CALN1: variants seen among roughly 807,000 people sequenced by gnomAD.
CALN1 encodes calcium-binding protein 8.
Under a neutral mutation model 30.6 loss-of-function variants are expected in CALN1, and 17 were observed. The observed-to-expected ratio is 0.56, with a 90% confidence interval of 0.38 to 0.83. The LOEUF (loss-of-function observed/expected upper bound fraction) is 0.83, where lower values mean the gene tolerates loss of function less well. CALN1 is among the 40% of genes least tolerant of loss of function. CALN1 has a pLI of 0.00. For synonymous variants in CALN1, 156 were observed against 131.4 expected (o/e 1.19, Z -1.28); for missense variants, 291 against 354.9 (o/e 0.82, Z 1.45).
At chr7:72,328,008 T>C (rs1171591135) in intron 2 of CALN1, among the ~76,000 whole-genome samples, 1 of 152,130 alleles carries the variant, frequency 6.6e-6, no homozygotes, top group Non-Finnish European at 1.5e-5. Flanking sequence ...TAGAAAAAAA[T>C]CTAACAATAT....
At chr7:71,889,042 A>G (rs1290174196) in intron 5 of CALN1, among the ~76,000 whole-genome samples, 1 of 152,230 alleles carries the variant, frequency 6.6e-6, no homozygotes, top group East Asian at 1.9e-4. Flanking sequence ...CAGAAAATGT[A>G]CAGGCTGGGG....
At chr7:71,897,798 C>T (rs1418009904) in intron 5 of CALN1, among the ~76,000 whole-genome samples, 3 of 150,558 alleles carry the variant, frequency 2.0e-5, no homozygotes, top group East Asian at 3.9e-4. Context: ...ACATTATGAA[C>T]CCAAACCAGC....
intron 5 of CALN1, among the ~76,000 whole-genome samples, chr7:71,957,537 T>G (rs1240506604): frequency 6.6e-6 from 1 of 152,224 alleles, no homozygotes; most frequent in Non-Finnish European, 1.5e-5. Flanking sequence ...TCGCCTGTAC[T>G]GATCACTGCA....
At chr7:72,315,775 T>C (rs1036621147) in intron 2 of CALN1, among the ~76,000 whole-genome samples, 7 of 152,126 alleles carry the variant, frequency 4.6e-5, no homozygotes, top group Non-Finnish European at 1.0e-4. Flanking sequence ...AAATAAAGCC[T>C]CTTTTCATTG....
chr7:71,888,998 G>C (rs941145995), intron 5 of CALN1, among the ~76,000 whole-genome samples: 3 of 152,248 alleles, frequency 2.0e-5, no homozygotes, highest in African/African-American at 7.2e-5. Flanking sequence ...GATCAGGAAA[G>C]GTAGGAACAA....
chr7:71,921,828 C>A (rs1794960997), intron 5 of CALN1, among the ~76,000 whole-genome samples: 2 of 151,546 alleles, frequency 1.3e-5, no homozygotes, highest in South Asian at 2.1e-4. Flanking sequence ...CTGCACCATC[C>A]CCCCCGCCGC....
chr7:72,125,005 A>G (rs1302573505), intron 3 of CALN1, among the ~76,000 whole-genome samples: 3 of 152,076 alleles, frequency 2.0e-5, no homozygotes, highest in Admixed American at 6.6e-5. Flanking sequence ...GAATATCACC[A>G]TAATATACCA....
At chr7:72,228,180 C>G (rs560357077) in intron 3 of CALN1, among the ~76,000 whole-genome samples, 1 of 151,998 alleles carries the variant, frequency 6.6e-6, no homozygotes, top group African/African-American at 2.4e-5. Flanking sequence ...GCCTGTGATC[C>G]CAATGTGTTT....
chr7:72,429,747 ATATATACACATCTGTATATATATATG>A (rs1807912218), intron 1 of CALN1, among the ~76,000 whole-genome samples: 1 of 133,416 alleles, frequency 7.5e-6, no homozygotes, highest in Non-Finnish European at 1.6e-5. Context: ...GTGTATATAT[ATATATACACATCTGTATATATATATG>A]TATATACATC....
At chr7:72,131,065 T>C (rs2129542808) in intron 3 of CALN1, among the ~76,000 whole-genome samples, 1 of 152,220 alleles carries the variant, frequency 6.6e-6, no homozygotes, top group East Asian at 1.9e-4. Context: ...AAGGATGGCG[T>C]AGGTAAGGAC....
chr7:72,501,845 G>A, the CALN1 span, among the ~76,000 whole-genome samples: 1 of 143,118 alleles, frequency 7.0e-6, no homozygotes, highest in African/African-American at 2.6e-5. Flanking sequence ...GGAGGTGGAA[G>A]TTGCAGTGAG....
chr7:72,347,416 G>A (rs894029026), intron 2 of CALN1, among the ~76,000 whole-genome samples: 115 of 151,962 alleles, frequency 7.6e-4, no homozygotes, highest in African/African-American at 2.4e-3. Flanking sequence ...ACAGGCATGT[G>A]CCATCATGCC....
At chr7:72,406,991 G>C (rs1395060662) in intron 1 of CALN1, among the ~76,000 whole-genome samples, 1 of 152,072 alleles carries the variant, frequency 6.6e-6, no homozygotes, top group Non-Finnish European at 1.5e-5. Context: ...ACACTGCCCA[G>C]TCACTCTTTC....
At chr7:71,924,643 TTTTTA>T (rs1295770125) in intron 5 of CALN1, among the ~76,000 whole-genome samples, 2 of 152,158 alleles carry the variant, frequency 1.3e-5, no homozygotes, top group African/African-American at 4.8e-5. Flanking sequence ...CTGTATTTTT[TTTTTA>T]CTCTATCTGC....
chr7:71,799,101 G>C (rs1359045129), intron 6 of CALN1, among the ~76,000 whole-genome samples: 2 of 152,194 alleles, frequency 1.3e-5, no homozygotes, highest in African/African-American at 4.8e-5. Flanking sequence ...ATAACTAGAA[G>C]AAGATAACTG....
intron 3 of CALN1, among the ~76,000 whole-genome samples, chr7:72,204,856 C>A (rs1318150957): frequency 1.3e-5 from 2 of 152,112 alleles, no homozygotes; most frequent in Non-Finnish European, 2.9e-5. Flanking sequence ...ATATAAAATT[C>A]TTAAAAATGA....
intron 4 of CALN1, among the ~76,000 whole-genome samples, chr7:72,024,345 C>G (rs1800911868): frequency 6.6e-6 from 1 of 152,180 alleles, no homozygotes; most frequent in South Asian, 2.1e-4. Context: ...CTATGCAGTT[C>G]TGAGTTTAAT....
chr7:72,430,018 A>G (rs1807922333), intron 1 of CALN1, among the ~76,000 whole-genome samples: 1 of 150,746 alleles, frequency 6.6e-6, no homozygotes, highest in Non-Finnish European at 1.5e-5. Flanking sequence ...ACAGGGTTTC[A>G]CCTTGTTGGC....
chr7:71,843,175 C>T (rs1790035524), intron 5 of CALN1, among the ~76,000 whole-genome samples: 1 of 152,208 alleles, frequency 6.6e-6, no homozygotes, highest in Non-Finnish European at 1.5e-5. Flanking sequence ...GAAGACACTT[C>T]TCCTTTCCCC....
Sources: allele counts gnomAD v4.1 joint callset (sites outside exome capture counted in the v4.1 genomes callset), GRCh38; gene constraint gnomAD v4.1.1; transcripts MANE v1.5; gene names NCBI Gene and HGNC (gene_info 2026-07-23, HGNC 2026-07-21).